ANK3: variants seen among roughly 807,000 people sequenced by gnomAD.
ANK3 encodes the protein ankyrin-3.
Under a neutral mutation model 370.9 loss-of-function variants are expected in ANK3, and 57 were observed. That is an observed-to-expected ratio of 0.15 (90% confidence interval 0.12 to 0.19). The LOEUF is 0.19. ANK3 is among the 10% of genes least tolerant of loss of function. The probability of loss-of-function intolerance (pLI) is 1.00; values close to 1 mark genes in which losing one functional copy is unlikely to be tolerated. For missense variants in ANK3, 4,439 were observed against 5,302.1 expected, an observed-to-expected ratio of 0.84 and a Z score of 5.06; for synonymous variants, 1,929 against 1,946.3, an observed-to-expected ratio of 0.99 and a Z score of 0.23.
chr10:60,232,051 G>C (rs2097253776), intron 8 of ANK3, among the ~76,000 whole-genome samples: 1 of 152,144 alleles, frequency 6.6e-6, no homozygotes, highest in South Asian at 2.1e-4. Context: ...AGAGGAATTT[G>C]TATGTTTTTC....
chr10:60,261,084 T>C (rs1358225823), intron 7 of ANK3, among the ~76,000 whole-genome samples: 1 of 152,210 alleles, frequency 6.6e-6, no homozygotes, highest in African/African-American at 2.4e-5. Flanking sequence ...ATTTCATAAT[T>C]CATATTATCT....
chr10:60,318,753 A>G (rs1384926850), intron 1 of ANK3, among the ~76,000 whole-genome samples: 3 of 152,198 alleles, frequency 2.0e-5, no homozygotes, highest in Non-Finnish European at 2.9e-5. Context: ...TCAAAACATT[A>G]TCTCTTTTTT....
At chr10:60,648,890 G>A (rs1217963552) in intron 1 of ANK3, among the ~76,000 whole-genome samples, 5 of 125,890 alleles carry the variant, frequency 4.0e-5, no homozygotes, top group African/African-American at 1.5e-4. Context: ...TCCTGCTCCT[G>A]CTCCCCCAAA....
At chr10:60,471,305 T>C (rs1567069997) in intron 2 of ANK3, among the ~76,000 whole-genome samples, 1 of 152,136 alleles carries the variant, frequency 6.6e-6, no homozygotes, top group African/African-American at 2.4e-5. Flanking sequence ...TACACAGATA[T>C]ACAGTGTGTA....
intron 2 of ANK3, among the ~76,000 whole-genome samples, chr10:60,533,460 ACTC>A (rs1218229490): frequency 7.9e-5 from 12 of 152,022 alleles, no homozygotes; most frequent in Admixed American, 7.9e-4. Context: ...TCTCCAAAAC[ACTC>A]CTCCACACAT....
chr10:60,699,230 A>G (rs1404533646), intron 1 of ANK3, among the ~76,000 whole-genome samples: 1 of 151,966 alleles, frequency 6.6e-6, no homozygotes, highest in African/African-American at 2.4e-5. Context: ...CCACTAAAGA[A>G]CTTATTCATG....
At chr10:60,605,786 A>G (rs936897142) in intron 2 of ANK3, among the ~76,000 whole-genome samples, 2 of 152,224 alleles carry the variant, frequency 1.3e-5, no homozygotes, top group African/African-American at 2.4e-5. Flanking sequence ...TTGTTTATCT[A>G]TAAACTTGTA....
intron 1 of ANK3, among the ~76,000 whole-genome samples, chr10:60,711,490 T>C (rs148772101): frequency 6.6e-6 from 1 of 151,608 alleles, no homozygotes; most frequent in African/African-American, 2.4e-5. Context: ...CATTAATGAG[T>C]TTCAAGATGT....
intron 2 of ANK3, among the ~76,000 whole-genome samples, chr10:60,449,524 C>A (rs528855224): frequency 6.6e-6 from 1 of 152,246 alleles, no homozygotes; most frequent in Non-Finnish European, 1.5e-5. Context: ...TCACATAGTA[C>A]CATTAAAAAA....
At chr10:60,059,066 TAGAAA>T (rs1188411198) in intron 41 of ANK3, among the ~76,000 whole-genome samples, 1 of 152,216 alleles carries the variant, frequency 6.6e-6, no homozygotes, top group African/African-American at 2.4e-5. Context: ...AGTAATAAAG[TAGAAA>T]AGAATAGTAT....
intron 36 of ANK3, 63 bp from the exon 37 acceptor site, chr10:60,076,511 A>G (rs2083858907): frequency 6.7e-7 from 1 of 1,499,484 alleles, no homozygotes; most frequent in South Asian, 1.4e-5. Flanking sequence ...TGAGAAACAG[A>G]GAGACCAGAG....
At chr10:60,246,246 A>G (rs1204337840) in intron 7 of ANK3, among the ~76,000 whole-genome samples, 1 of 129,514 alleles carries the variant, frequency 7.7e-6, no homozygotes, top group African/African-American at 2.9e-5. Context: ...ACAGAGAGAA[A>G]CCCTGTATCA....
At chr10:60,502,057 C>G (rs116996730) in intron 2 of ANK3, among the ~76,000 whole-genome samples, 1 of 151,782 alleles carries the variant, frequency 6.6e-6, no homozygotes, top group African/African-American at 2.4e-5. Flanking sequence ...CAAATGACTA[C>G]AGGATACCCC....
intron 24 of ANK3, among the ~76,000 whole-genome samples, chr10:60,135,121 A>G (rs1402069929): frequency 6.6e-6 from 1 of 152,130 alleles, no homozygotes; most frequent in Non-Finnish European, 1.5e-5. Flanking sequence ...CTAAAACTCA[A>G]TAGAGTCAGG....
rs562814641 is a variant in ANK3 at position 60,600,284 on chromosome 10, CT to C, written c.96+14901del. Among the ~76,000 whole-genome samples the C allele has an allele frequency of 3.0e-4, 46 of 152,126 alleles. No individual in the cohort carries two copies. In the South Asian group the frequency reaches 9.1e-3, roughly 30 times the overall value. ...TGTTTAAAATCTACTTGTGTCTGAC[CT>C]TCTCTTTATTCCTGGAATTTGCCAA... On this transcript the variant is annotated intron_variant, in intron 2 of 43. Transcript: ENST00000373827.
intron 1 of ANK3, among the ~76,000 whole-genome samples, chr10:60,669,000 A>G (rs1217475614): frequency 2.6e-5 from 4 of 152,126 alleles, no homozygotes; most frequent in African/African-American, 9.7e-5. Flanking sequence ...CTCAAAAAAA[A>G]AAAAATTATT....
chr10:60,128,379 TTTTTC>T (rs1177751728), intron 25 of ANK3, among the ~76,000 whole-genome samples: 2 of 93,214 alleles, frequency 2.1e-5, no homozygotes, highest in African/African-American at 1.2e-4. Context: ...TTCTTCATTT[TTTTTC>T]TTTTTTTTTT....
intron 2 of ANK3, among the ~76,000 whole-genome samples, chr10:60,498,953 T>C (rs145487407): frequency 6.8e-4 from 103 of 152,368 alleles, no homozygotes; most frequent in Non-Finnish European, 5.6e-4. Context: ...ACTTGTCACA[T>C]CAAGCAATTA....
intron 28 of ANK3, among the ~76,000 whole-genome samples, chr10:60,091,921 G>T (rs896566056): frequency 3.9e-5 from 6 of 152,044 alleles, no homozygotes; most frequent in African/African-American, 1.4e-4. Context: ...AGTAGAGATG[G>T]GGTTTCACCA....
Sources: gnomAD v4.1 joint callset for allele counts (sites outside exome capture counted in the v4.1 genomes callset) on GRCh38, gnomAD v4.1.1 for gene constraint, MANE v1.5 for transcripts, NCBI Gene and HGNC (gene_info 2026-07-23, HGNC 2026-07-21) for gene names.